The following PTPRJ variants were observed in gnomAD, a reference collection of about 807,000 sequenced individuals.
PTPRJ encodes protein tyrosine phosphatase receptor type J.
A neutral mutation model predicts 141.3 loss-of-function variants in PTPRJ; 129 were observed. The observed-to-expected ratio is 0.91, with a 90% confidence interval of 0.79 to 1.06. The LOEUF is 1.06. PTPRJ is among the 50% of genes least tolerant of loss of function. The pLI, the probability that PTPRJ is intolerant of heterozygous loss-of-function variation, is 0.00. For missense variants in PTPRJ, 1,601 were observed against 1,679.7 expected, an observed-to-expected ratio of 0.95 and a Z score of 0.82; for synonymous variants, 610 against 640.5, an observed-to-expected ratio of 0.95 and a Z score of 0.72.
At position 48,112,834 on chromosome 11, in the gene PTPRJ, T is replaced by G. The variant is rs1389610492; in HGVS notation, c.203T>G (p.Phe68Cys). ...ITQISSTAES[F>C]HKQNGTGTPQ... ...CAGATCAGCAGTACAGCAGAATCCTTTCATAAACAGAATGGAACTGGAACA... is the reference window on the plus strand; with the variant it reads ...CAGATCAGCAGTACAGCAGAATCCTGTCATAAACAGAATGGAACTGGAACA... Residue 68 changes from phenylalanine to cysteine, a missense_variant, in exon 3 of 25, where the codon TTT becomes TGT. Phe to Cys is a radical substitution (Grantham distance 205). Coordinates refer to ENST00000418331, the MANE Select transcript of PTPRJ (RefSeq NM_002843.4). 1 of 1,614,178 alleles carries G rather than the reference T, an allele frequency of 6.2e-7. No homozygotes were observed. The highest frequency in any genetic ancestry group is 2.2e-5 in the East Asian group (1 of 44,880).
At chr11:48,026,852 C>T (rs1308836367) in intron 1 of PTPRJ, among the ~76,000 whole-genome samples, 1 of 152,054 alleles carries the variant, frequency 6.6e-6, no homozygotes, top group Non-Finnish European at 1.5e-5. Flanking sequence ...ACCTGCTTCC[C>T]ACCCTTTCCC....
In PTPRJ at chr11:48,131,527, G is replaced by T. The variant is rs77327157; in HGVS notation, c.1615+811G>T. ...TTTCTACAGGATGATTTGAACACCTGCCTGGAATTCCATCATCTGAAACAG... is the reference window on the plus strand; with the variant it reads ...TTTCTACAGGATGATTTGAACACCTTCCTGGAATTCCATCATCTGAAACAG... On this transcript the variant is annotated intron_variant, in intron 8 of 24. Transcript: ENST00000418331. 6.5e-3 allele frequency: 5,037 copies of T among 775,686 alleles called. 153 individuals are homozygous for T. The African/African-American group carries it at 0.071, about 11-fold the overall frequency. The allele number at this position is 775,686 out of a possible 1,614,324, so 48.1% of individuals were successfully genotyped here.
chr11:48,051,481 T>A (rs1463387870), intron 1 of PTPRJ, among the ~76,000 whole-genome samples: 5 of 152,210 alleles, frequency 3.3e-5, no homozygotes, highest in Non-Finnish European at 5.9e-5. Flanking sequence ...TTTTGCTGAT[T>A]GTGCTGATTA....
rs774518262 is a variant in PTPRJ at position 48,163,590 on chromosome 11, C to G, written c.3691C>G (p.Pro1231Ala). 7.4e-6 allele frequency: 12 copies of G among 1,613,910 alleles called. No homozygotes were observed. The highest frequency in any genetic ancestry group is 8.5e-6 in the Non-Finnish European group (10 of 1,179,864). Residue 1231 changes from proline to alanine, a missense_variant, in exon 23 of 25, where the codon CCC becomes GCC. Pro to Ala is a conservative substitution (Grantham distance 27). Transcript: ENST00000418331. The stretch of plus-strand genomic sequence containing the variant: ...TCGTGACTACATGAAGCAGAGTCCT[C>G]CCGAATCGCCGATTCTGGTGCATTG... ...LVRDYMKQSP[P>A]ESPILVHCSA...
chr11:48,125,144 A>G lies in PTPRJ; in HGVS notation c.1051A>G (p.Asn351Asp). 1.9e-6 allele frequency: 3 copies of G among 1,614,118 alleles called. No homozygotes were observed. The highest frequency in any genetic ancestry group is 2.5e-6 in the Non-Finnish European group (3 of 1,180,030). The change falls in exon 6 of 25, where the codon AAT becomes GAT. Residue 351 changes from asparagine (N) to aspartate (D), a missense_variant. Transcript: ENST00000418331. ...YNATVYSQAA[N>D]GTEGQPQAIE... ...TGCCACCGTTTATTCCCAAGCAGCG[A>G]ATGGCACAGAAGGACAGCCCCAGGC...
In PTPRJ at chr11:48,128,012, G is replaced by A. The variant is rs1267387458; in HGVS notation, c.1326G>A (p.Glu442=). Residue 442 remains glutamate (E), a synonymous_variant, in exon 7 of 25, where the codon GAG becomes GAA. Coordinates refer to ENST00000418331, the MANE Select transcript of PTPRJ (RefSeq NM_002843.4). ...TGTGTCCTGTCCTAGGTGACATCGA[G>A]GGCACGCCGGGCTTCCTCCAAGTGC... ...ITVCPVLGDI[E]GTPGFLQVHT... is the part of the protein sequence containing the mutation. 1 of 1,613,410 alleles carries A rather than the reference G, an allele frequency of 6.2e-7. No homozygotes were observed.
intron 1 of PTPRJ, among the ~76,000 whole-genome samples, chr11:48,012,391 G>A (rs1047138571): frequency 7.2e-5 from 11 of 152,104 alleles, no homozygotes; most frequent in South Asian, 2.1e-4. Flanking sequence ...ATGCCTGTTC[G>A]TTCAGCAGGA....
chr11:48,071,966 CAT>C (rs1202524593), intron 1 of PTPRJ, among the ~76,000 whole-genome samples: 5 of 137,326 alleles, frequency 3.6e-5, no homozygotes, highest in South Asian at 2.4e-4. Context: ...AGTGCAGTGG[CAT>C]GATCTTGGCT....
At chr11:48,147,027 T>C in intron 15 of PTPRJ, 64 bp downstream of exon 15, 1 of 1,410,294 alleles carries the variant, frequency 7.1e-7, no homozygotes, top group Non-Finnish European at 1.0e-6. Context: ...TAAGGAACAT[T>C]TCAAACTTTG....
intron 1 of PTPRJ, among the ~76,000 whole-genome samples, chr11:47,996,513 C>T (rs1040190644): frequency 6.6e-6 from 1 of 152,140 alleles, no homozygotes; most frequent in Admixed American, 6.6e-5. Context: ...CTGGAAATGT[C>T]ACTGCATCTG....
intron 10 of PTPRJ, 100 bp downstream of exon 10, chr11:48,137,381 G>A (rs993343270): frequency 3.0e-6 from 4 of 1,331,836 alleles, no homozygotes; most frequent in African/African-American, 2.9e-5. Context: ...TTTGTGTGAT[G>A]TGCAGTGATG....
chr11:48,157,734 G>A (rs1311270403), intron 21 of PTPRJ, among the ~76,000 whole-genome samples: 2 of 152,312 alleles, frequency 1.3e-5, no homozygotes, highest in Non-Finnish European at 1.5e-5. Context: ...GATGGAGGAG[G>A]GAAAGATAAC....
intron 1 of PTPRJ, among the ~76,000 whole-genome samples, chr11:47,983,058 A>G (rs550999576): frequency 9.8e-5 from 15 of 152,290 alleles, no homozygotes; most frequent in African/African-American, 3.1e-4. Context: ...AACCCCTCAG[A>G]GCTCTTAGAT....
At chr11:48,020,562 A>C (rs185352955) in intron 1 of PTPRJ, among the ~76,000 whole-genome samples, 1 of 152,304 alleles carries the variant, frequency 6.6e-6, no homozygotes. Flanking sequence ...AAATGAACGC[A>C]GTGCAGTCCG....
chr11:48,163,378 C>T (rs960981059), intron 22 of PTPRJ, 80 bp from the exon 23 acceptor site: 2 of 1,383,588 alleles, frequency 1.4e-6, no homozygotes, highest in South Asian at 1.2e-5. Context: ...AGTACTCAGG[C>T]TCTGCTTGAT....
intron 1 of PTPRJ, among the ~76,000 whole-genome samples, chr11:48,069,381 G>A (rs1855173340): frequency 6.7e-6 from 1 of 150,004 alleles, no homozygotes; most frequent in East Asian, 2.0e-4. Flanking sequence ...TTACAGGCAT[G>A]AGGCACTGCA....
intron 22 of PTPRJ, among the ~76,000 whole-genome samples, chr11:48,161,001 A>G (rs1273672014): frequency 6.6e-6 from 1 of 151,888 alleles, no homozygotes; most frequent in African/African-American, 2.4e-5. Flanking sequence ...CCACCTCTAC[A>G]AAAACAAAAC....
intron 1 of PTPRJ, among the ~76,000 whole-genome samples, chr11:47,984,518 C>A (rs887436680): frequency 1.3e-5 from 2 of 151,484 alleles, no homozygotes; most frequent in South Asian, 4.2e-4. Context: ...TTCATTTGGC[C>A]ATTTCAGAAA....
At chr11:48,097,832 C>G (rs1856052722) in intron 1 of PTPRJ, among the ~76,000 whole-genome samples, 1 of 152,110 alleles carries the variant, frequency 6.6e-6, no homozygotes, top group Non-Finnish European at 1.5e-5. Context: ...GCCACCGCAC[C>G]CGGCCTGAAT....
Sources: gnomAD v4.1 joint callset for allele counts (sites outside exome capture counted in the v4.1 genomes callset) on GRCh38, gnomAD v4.1.1 for gene constraint, MANE v1.5 for transcripts, NCBI Gene and HGNC (gene_info 2026-07-23, HGNC 2026-07-21) for gene names.